The following CLPSL1 variants were observed in gnomAD, a reference collection of about 807,000 sequenced individuals.
CLPSL1 encodes colipase like 1.
A neutral mutation model predicts 9.3 loss-of-function variants in CLPSL1; 13 were observed. That is an observed-to-expected ratio of 1.40 (90% CI 0.91 to 2.22). The LOEUF (loss-of-function observed/expected upper bound fraction) is 2.22, where lower values mean the gene tolerates loss of function less well. Among genes scored for constraint, CLPSL1 ranks in the 30% most tolerant of loss-of-function variants. The pLI is 0.00. For missense variants in CLPSL1, 164 were observed against 146.6 expected (o/e 1.12, Z -0.61); for synonymous variants, 58 against 56.9 (o/e 1.02, Z -0.08).
intron 1 of CLPSL1, among the ~76,000 whole-genome samples, chr6:35,782,473 T>TATA (rs890680365): frequency 2.4e-4 from 36 of 152,322 alleles, no homozygotes; most frequent in African/African-American, 7.7e-4. Flanking sequence ...TTTTTAAACA[T>TATA]ATAAATAAGA....
downstream of CLPSL1, among the ~76,000 whole-genome samples, chr6:35,791,594 T>C (rs1214018052): frequency 1.3e-5 from 2 of 150,306 alleles, no homozygotes; most frequent in African/African-American, 2.5e-5. Context: ...GGTGACAGAG[T>C]TAGACTCTGT....
Position 35,787,032 on chromosome 6 carries a change from G to C in CLPSL1, c.134G>C (p.Cys45Ser), listed in dbSNP as rs1440607752. 3 of 1,594,114 alleles carry C rather than the reference G, an allele frequency of 1.9e-6. No individual in the cohort carries two copies. The highest frequency in any genetic ancestry group is 2.6e-6 in the Non-Finnish European group (3 of 1,172,288). Reference sequence around the variant, plus strand: ...GAGTCTTGCATCCGGAACCAGGACTGCGAGACTGGCTGCTGCCAACGTGCT... The same window carrying C: ...GAGTCTTGCATCCGGAACCAGGACTCCGAGACTGGCTGCTGCCAACGTGCT... ...LKESCIRNQD[C>S]ETGCCQRAPD... Residue 45 changes from cysteine to serine, a missense_variant, in exon 2 of 3, where the codon TGC becomes TCC. Transcript: ENST00000373861.
At chr6:35,787,819 A>G in intron 2 of CLPSL1, 48 bp from the exon 3 acceptor site, 4 of 1,578,178 alleles carry the variant, frequency 2.5e-6, no homozygotes, top group Non-Finnish European at 3.5e-6. Flanking sequence ...TTAGGGGCTC[A>G]GGGAAGAGCT....
rs200142755 is a variant in CLPSL1 at position 35,782,746 on chromosome 6, T to TA, written c.99+1538dup. On this transcript the variant is annotated intron_variant, in intron 1 of 2. Transcript: ENST00000373861. ...ATCTTTTAAAAAAGACTCCTCTAGC[T>TA]ATTCTGGGAAGAACTGACTTGAGGA... Among the ~76,000 whole-genome samples, 996 of 151,892 alleles carry TA rather than the reference T, an allele frequency of 6.6e-3. 6 individuals are homozygous for TA. The highest frequency in any genetic ancestry group is 0.023 in the African/African-American group (945 of 41,366).
downstream of CLPSL1, among the ~76,000 whole-genome samples, chr6:35,790,069 G>A (rs547720262): frequency 1.3e-5 from 2 of 152,320 alleles, no homozygotes; most frequent in Admixed American, 1.3e-4. Flanking sequence ...TGGGACCACA[G>A]GTGTGCGCTA....
intron 1 of CLPSL1, among the ~76,000 whole-genome samples, chr6:35,786,333 C>A (rs1768072877): frequency 6.6e-6 from 1 of 152,146 alleles, no homozygotes. Context: ...TGGCTAGTGG[C>A]TATTGGACTG....
chr6:35,793,582 C>T, exon 2 of CLPSL1: 1 of 471,162 alleles, frequency 2.1e-6, no homozygotes. Context: ...AAGAGAAGGT[C>T]AAGAGCTACC....
At chr6:35,786,209 G>A (rs1306024727) in intron 1 of CLPSL1, among the ~76,000 whole-genome samples, 2 of 152,168 alleles carry the variant, frequency 1.3e-5, no homozygotes, top group African/African-American at 2.4e-5. Flanking sequence ...CCGAAATCAC[G>A]CCACTGCATA....
At position 35,787,926 on chromosome 6, in the gene CLPSL1, A is replaced by C. The variant is rs745672658; in HGVS notation, c.282A>C (p.Ser94=). Residue 94 remains serine (S), a synonymous_variant, in exon 3 of 3, where the codon TCA becomes TCC. Transcript: ENST00000373861. ...TGCGGAACCTGACTTGTATATATTC[A>C]AAGAATGAGAAATGGCTTAGCATCG... The part of the protein sequence containing the change: ...PCLRNLTCIY[S]KNEKWLSIAY... The C allele has an allele frequency of 1.2e-6, 2 of 1,611,472 alleles. No homozygotes were observed. The highest frequency in any genetic ancestry group is 2.2e-5 in the South Asian group (2 of 91,016).
At position 35,787,867 on chromosome 6, in the gene CLPSL1, G is replaced by C. The variant is rs1445247390; in HGVS notation, c.223G>C (p.Val75Leu). ...GSEGSLCQTQ[V>L]FFGQYRACPC... ...GAGGTCAAAGTCCTGTCTTTCCCAG[G>C]TGTTCTTTGGCCAATATAGAGCGTG... The change falls in exon 3 of 3, where the codon GTG becomes CTG. Residue 75 changes from valine to leucine, a missense_variant and splice_region_variant. Physicochemically the swap from Val to Leu is conservative, Grantham distance 32 (BLOSUM62 1). Coordinates refer to ENST00000373861, the MANE Select transcript of CLPSL1 (RefSeq NM_001010886.5). The C allele has an allele frequency of 1.2e-6, 2 of 1,609,964 alleles. No individual in the cohort carries two copies. The highest frequency in any genetic ancestry group is 1.7e-6 in the Non-Finnish European group (2 of 1,176,744).
At position 35,787,981 on chromosome 6, in the gene CLPSL1, CAGA is replaced by C. The variant is rs1768119712; in HGVS notation, c.340_342del (p.Lys114del). On this transcript the variant is annotated inframe_deletion, in exon 3 of 3. Coordinates refer to ENST00000373861, the MANE Select transcript of CLPSL1 (RefSeq NM_001010886.5). Reference sequence around the variant, plus strand: ...TGGCCGTTGTCAGAAAATTGGAAGGCAGAAGTTGGCTAAGAAAATGTTCTTCTA... The same window carrying C: ...TGGCCGTTGTCAGAAAATTGGAAGGCAGTTGGCTAAGAAAATGTTCTTCTA... The C allele has an allele frequency of 6.2e-7, 1 of 1,613,466 alleles. No homozygotes were observed. The highest frequency in any genetic ancestry group is 1.3e-5 in the African/African-American group (1 of 74,930).
downstream of CLPSL1, among the ~76,000 whole-genome samples, chr6:35,790,319 G>C (rs1170386409): frequency 6.6e-6 from 1 of 152,202 alleles, no homozygotes; most frequent in Non-Finnish European, 1.5e-5. Flanking sequence ...TTTAATAAAC[G>C]TTTTTAGCCT....
At chr6:35,789,313 A>G (rs1417773824), downstream of CLPSL1, among the ~76,000 whole-genome samples, 1 of 152,274 alleles carries the variant, frequency 6.6e-6, no homozygotes, top group African/African-American at 2.4e-5. Context: ...ATTAAGTTTC[A>G]ACAAGGGCAC....
In CLPSL1 at chr6:35,781,075, G is replaced by A. The variant is rs1406057663; in HGVS notation, c.-36G>A. ...ACATGGTCGGCGTGCAGGATATTTC[G>A]CTGGACCCTAGAAAAGCCACCACGA... is the stretch of plus-strand genomic sequence containing the variant. On this transcript the variant is annotated 5_prime_UTR_variant, in exon 1 of 3. Coordinates refer to ENST00000373861, the MANE Select transcript of CLPSL1 (RefSeq NM_001010886.5). The A allele has an allele frequency of 5.6e-6, 9 of 1,610,786 alleles. No homozygotes were observed. The highest frequency in any genetic ancestry group is 2.2e-5 in the East Asian group (1 of 44,844).
At chr6:35,788,310 A>G (rs1665181874), downstream of CLPSL1, among the ~76,000 whole-genome samples, 1 of 152,258 alleles carries the variant, frequency 6.6e-6, no homozygotes, top group South Asian at 2.1e-4. Context: ...GTCCCCCAGA[A>G]GAGACCAAAG....
downstream of CLPSL1, among the ~76,000 whole-genome samples, chr6:35,789,056 C>A (rs1036837648): frequency 1.3e-5 from 2 of 152,246 alleles, no homozygotes; most frequent in African/African-American, 4.8e-5. Flanking sequence ...ACGATGTGAA[C>A]CATACCTTGG....
chr6:35,785,183 T>TA (rs1768044485), intron 1 of CLPSL1, among the ~76,000 whole-genome samples: 1 of 148,350 alleles, frequency 6.7e-6, no homozygotes, highest in Non-Finnish European at 1.5e-5. Context: ...AATTTTTTTT[T>TA]TTTTTTTTTT....
chr6:35,785,355 T>A (rs1285508900), intron 1 of CLPSL1, among the ~76,000 whole-genome samples: 7 of 152,036 alleles, frequency 4.6e-5, no homozygotes, highest in Non-Finnish European at 4.4e-5. Flanking sequence ...TTTTTTGTAT[T>A]TTTAGTAGAG....
chr6:35,781,999 G>A (rs949245413), intron 1 of CLPSL1, among the ~76,000 whole-genome samples: 8 of 152,164 alleles, frequency 5.3e-5, no homozygotes, highest in Middle Eastern at 3.4e-3. Flanking sequence ...CAATCCACCC[G>A]CCTTGGCCTC....
Sources: gnomAD v4.1 joint callset for allele counts (sites outside exome capture counted in the v4.1 genomes callset) on GRCh38, gnomAD v4.1.1 for gene constraint, MANE v1.5 for transcripts, NCBI Gene and HGNC (gene_info 2026-07-23, HGNC 2026-07-21) for gene names.